Variants in PARD3B observed in about 807,000 individuals in gnomAD.
PARD3B encodes partitioning defective 3 homolog B.
A neutral mutation model predicts 130.2 loss-of-function variants in PARD3B; 103 were observed. The observed-to-expected ratio is 0.79, with a 90% CI of 0.67 to 0.93. The LOEUF (loss-of-function observed/expected upper bound fraction) is 0.93. Ranked by LOEUF, PARD3B falls within the 40% of genes least tolerant of loss-of-function variation. The pLI is 0.00. For missense variants in PARD3B, 1,609 were observed against 1,499.2 expected (o/e 1.07, Z -1.21); for synonymous variants, 583 against 553.2 (o/e 1.05, Z -0.76).
intron 1 of PARD3B, among the ~76,000 whole-genome samples, chr2:204,674,353 G>A (rs2036437324): frequency 6.6e-6 from 1 of 152,122 alleles, no homozygotes; most frequent in Admixed American, 6.6e-5. Flanking sequence ...ATTCTTTTTA[G>A]CTATACCTGT....
intron 18 of PARD3B, among the ~76,000 whole-genome samples, chr2:205,331,207 CAT>C (rs989093472): frequency 1.4e-4 from 21 of 152,004 alleles, no homozygotes; most frequent in African/African-American, 3.4e-4. Flanking sequence ...CACACACAGA[CAT>C]GTGCATACAA....
At chr2:205,327,087 T>C (rs939915322) in intron 18 of PARD3B, among the ~76,000 whole-genome samples, 13 of 152,160 alleles carry the variant, frequency 8.5e-5, no homozygotes, top group African/African-American at 3.1e-4. Context: ...TTAGGGAGAA[T>C]ATGAAAATTT....
chr2:205,141,943 G>A (rs1433875011), intron 10 of PARD3B, among the ~76,000 whole-genome samples: 3 of 152,174 alleles, frequency 2.0e-5, no homozygotes, highest in African/African-American at 7.2e-5. Flanking sequence ...AGGAGCACTT[G>A]TTGACAATGT....
At chr2:205,519,581 T>C (rs1298695765) in intron 21 of PARD3B, among the ~76,000 whole-genome samples, 1 of 152,024 alleles carries the variant, frequency 6.6e-6, no homozygotes, top group Non-Finnish European at 1.5e-5. Flanking sequence ...TTTGTGTCAT[T>C]CTAGCCAATT....
intron 3 of PARD3B, among the ~76,000 whole-genome samples, chr2:205,000,933 G>T (rs1487119532): frequency 6.6e-6 from 1 of 152,188 alleles, no homozygotes; most frequent in South Asian, 2.1e-4. Context: ...GGTTTTGCAG[G>T]TAGAAGCCTG....
intron 10 of PARD3B, among the ~76,000 whole-genome samples, chr2:205,144,787 C>T (rs1230273758): frequency 1.3e-5 from 2 of 152,106 alleles, no homozygotes; most frequent in Non-Finnish European, 2.9e-5. Flanking sequence ...TCATTAACAG[C>T]ATACTAAAGG....
At chr2:204,903,110 G>T (rs570747168) in intron 2 of PARD3B, among the ~76,000 whole-genome samples, 1 of 152,274 alleles carries the variant, frequency 6.6e-6, no homozygotes, top group South Asian at 2.1e-4. Context: ...TTCCCATGTA[G>T]GCCTTTATGG....
chr2:205,389,595 C>T lies in PARD3B; in HGVS notation c.2631-11418C>T, dbSNP rs538839203. On this transcript the variant is annotated intron_variant, in intron 18 of 22. Transcript: ENST00000406610. ...CCAGGCTGGTCTTGAACTCCCGCCTCGGCCTCCCAAAGTGCTGGGATTACA... is the reference window on the plus strand; with the variant it reads ...CCAGGCTGGTCTTGAACTCCCGCCTTGGCCTCCCAAAGTGCTGGGATTACA... Among the ~76,000 whole-genome samples the T allele has an allele frequency of 5.3e-4, 81 of 152,184 alleles. 2 individuals are homozygous for T. The highest frequency in any genetic ancestry group is 7.6e-4 in the Non-Finnish European group (52 of 68,038).
rs944177611 is a variant in PARD3B at position 205,064,082 on chromosome 2, C to T, written c.504+16392C>T. On this transcript the variant is annotated intron_variant, in intron 4 of 22. Transcript: ENST00000406610. ...GGAACAGCCCTGTGGAACTTATAAT[C>T]GCATTGAGGAGAACATGCACAGGTT... 2.5e-4 allele frequency among the ~76,000 whole-genome samples: 38 copies of T among 152,262 alleles called. 1 individual carries two copies. The highest frequency in any genetic ancestry group is 3.4e-3 in the Middle Eastern group (1 of 294).
At chr2:205,571,731 C>A (rs2053568085) in intron 22 of PARD3B, among the ~76,000 whole-genome samples, 1 of 152,164 alleles carries the variant, frequency 6.6e-6, no homozygotes, top group Admixed American at 6.5e-5. Flanking sequence ...CCATTAATTT[C>A]TTGAAATGAA....
rs1185509167 is a variant in PARD3B at position 205,380,942 on chromosome 2, A to ATATG, written c.2631-20069_2631-20068insTGTA. On this transcript the variant is annotated intron_variant, in intron 18 of 22. Transcript: ENST00000406610. Reference sequence around the variant, plus strand: ...TATATATAATATATAAAGAATATATATAATATATAATGTATATAATATCTA... The same window carrying ATATG: ...TATATATAATATATAAAGAATATATATATGTAATATATAATGTATATAATATCTA... 2.8e-3 allele frequency among the ~76,000 whole-genome samples: 194 copies of ATATG among 69,050 alleles called. 10 individuals carry two copies. The highest frequency in any genetic ancestry group is 7.8e-3 in the African/African-American group (84 of 10,786). 45.3% of individuals were successfully genotyped at this position (69,050 alleles called of 152,430 possible). A position where few individuals can be genotyped will look rare whatever the true frequency, so the allele number is the denominator to read the frequency against.
intron 18 of PARD3B, among the ~76,000 whole-genome samples, chr2:205,381,046 ATATTAT>A (rs2045401523): frequency 1.8e-5 from 1 of 56,430 alleles, no homozygotes; most frequent in African/African-American, 1.1e-4. Flanking sequence ...TAAAGAATAT[ATATTAT>A]ATATAAAGAA....
chr2:205,402,603 G>A (rs2046289855), intron 19 of PARD3B, among the ~76,000 whole-genome samples: 1 of 152,188 alleles, frequency 6.6e-6, no homozygotes, highest in Non-Finnish European at 1.5e-5. Flanking sequence ...AAGGTGAGTT[G>A]TCTTTAAGCA....
At chr2:204,969,081 C>A (rs1037254764) in intron 3 of PARD3B, among the ~76,000 whole-genome samples, 1 of 152,160 alleles carries the variant, frequency 6.6e-6, no homozygotes, top group Admixed American at 6.5e-5. Flanking sequence ...CCATATAGTA[C>A]AGAGATTGCT....
At chr2:204,574,463 A>G (rs1212539115) in intron 1 of PARD3B, among the ~76,000 whole-genome samples, 1 of 152,170 alleles carries the variant, frequency 6.6e-6, no homozygotes, top group Non-Finnish European at 1.5e-5. Flanking sequence ...GATACTTAAC[A>G]TCTGTGAGAG....
intron 10 of PARD3B, among the ~76,000 whole-genome samples, chr2:205,132,752 T>C (rs975719477): frequency 1.3e-5 from 2 of 152,204 alleles, no homozygotes; most frequent in Non-Finnish European, 2.9e-5. Flanking sequence ...AGCCTTTCAG[T>C]GTCTCAATTT....
chr2:205,450,798 C>T (rs1002611258), intron 20 of PARD3B, among the ~76,000 whole-genome samples: 1 of 152,130 alleles, frequency 6.6e-6, no homozygotes, highest in African/African-American at 2.4e-5. Flanking sequence ...TCTGTTAGAT[C>T]AGTCATATCA....
rs114347990 is a variant in PARD3B at position 204,988,828 on chromosome 2, T to C, written c.394+23505T>C. Among the ~76,000 whole-genome samples, 588 of 152,290 alleles carry C rather than the reference T, an allele frequency of 3.9e-3. 5 individuals carry two copies. The highest frequency in any genetic ancestry group is 0.013 in the African/African-American group (551 of 41,564). ...TACAAGAAATGGTGTGCCCATATTA[T>C]AGGGTGACAGTTAAATGCTGTCCAC... On this transcript the variant is annotated intron_variant, in intron 3 of 22. Transcript: ENST00000406610.
At chr2:205,003,510 G>C (rs1695017187) in intron 3 of PARD3B, among the ~76,000 whole-genome samples, 1 of 152,084 alleles carries the variant, frequency 6.6e-6, no homozygotes, top group African/African-American at 2.4e-5. Context: ...GAGACCCATG[G>C]AGCTAATTAT....
Sources: allele counts gnomAD v4.1 joint callset (sites outside exome capture counted in the v4.1 genomes callset), GRCh38; gene constraint gnomAD v4.1.1; transcripts MANE v1.5; gene names NCBI Gene and HGNC (gene_info 2026-07-23, HGNC 2026-07-21).